GAPDHS: variants seen among roughly 807,000 people sequenced by gnomAD.
GAPDHS encodes the protein glyceraldehyde-3-phosphate dehydrogenase, spermatogenic.
Under a neutral mutation model 48.7 loss-of-function variants are expected in GAPDHS, and 42 were observed. That is an observed-to-expected ratio of 0.86 (90% CI 0.67 to 1.12). The LOEUF (loss-of-function observed/expected upper bound fraction) is 1.12, where lower values mean the gene tolerates loss of function less well. GAPDHS is among the 50% of genes most tolerant of loss of function. The probability of loss-of-function intolerance (pLI) is 0.00; values close to 1 mark genes in which losing one functional copy is unlikely to be tolerated. For missense variants in GAPDHS, 512 were observed against 557.7 expected (o/e 0.92, Z 0.82); for synonymous variants, 166 against 219.1 (o/e 0.76, Z 2.14).
intron 8 of GAPDHS, 82 bp from the exon 9 acceptor site, chr19:35,543,583 C>T: frequency 6.3e-7 from 1 of 1,578,964 alleles, no homozygotes; most frequent in Non-Finnish European, 8.6e-7. Flanking sequence ...AAAGCAGGGG[C>T]CTGGCCCAGC....
chr19:35,540,671 A>ACTCCC (rs2071495581), intron 4 of GAPDHS: 1 of 151,150 alleles, frequency 6.6e-6, no homozygotes, highest in African/African-American at 2.4e-5. Flanking sequence ...TCTCCCTCTC[A>ACTCCC]CTCCCCTCCC....
intron 5 of GAPDHS, 22 bp from the exon 6 acceptor site, chr19:35,542,468 G>C: frequency 6.2e-7 from 1 of 1,605,194 alleles, no homozygotes; most frequent in Non-Finnish European, 8.5e-7. Context: ...AGAAGCCCCT[G>C]ACACCTGCGC....
intron 1 of GAPDHS, among the ~76,000 whole-genome samples, chr19:35,534,306 G>T (rs934142634): frequency 1.3e-5 from 2 of 152,170 alleles, no homozygotes. Context: ...GGGGGCCGCA[G>T]GGGTAGGTGG....
At chr19:35,544,530 C>T (rs961491898) in intron 9 of GAPDHS, 7 of 225,724 alleles carry the variant, frequency 3.1e-5, no homozygotes, top group African/African-American at 1.6e-4. Flanking sequence ...TCCTGCAGCT[C>T]CTTCTACCTC....
At chr19:35,542,767 C>G in intron 6 of GAPDHS, 159 bp downstream of exon 6, 1 of 722,148 alleles carries the variant, frequency 1.4e-6, no homozygotes, top group Non-Finnish European at 2.4e-6. Flanking sequence ...GCTTGGGGAG[C>G]CTCCCCAGCT....
intron 9 of GAPDHS, 143 bp from the exon 10 acceptor site, chr19:35,544,766 A>T (rs535417839): frequency 4.4e-5 from 29 of 666,466 alleles, no homozygotes; most frequent in South Asian, 2.9e-4. Flanking sequence ...CATACCCTCC[A>T]GTCCAGAGAC....
chr19:35,542,444 G>T (rs1568683825), intron 5 of GAPDHS, 35 bp downstream of exon 5: 1 of 1,599,182 alleles, frequency 6.3e-7, no homozygotes, highest in Non-Finnish European at 8.6e-7. Context: ...GCTAGCTGGG[G>T]GGATGATGGT....
chr19:35,542,547 C>G lies in GAPDHS; in HGVS notation c.598C>G (p.Pro200Ala), dbSNP rs1452478946. The change falls in exon 6 of 11, where the codon CCA becomes GCA. Residue 200 changes from proline (P) to alanine (A), a missense_variant. Physicochemically the swap from Pro to Ala is conservative, Grantham distance 27 (BLOSUM62 -1). Coordinates refer to ENST00000222286, the MANE Select transcript of GAPDHS (RefSeq NM_014364.5). ...VVISAPSPDAPMFVMGVNEND... is the reference protein window; with the variant it reads ...VVISAPSPDAAMFVMGVNEND... The stretch of plus-strand genomic sequence containing the variant: ...CATCTCCGCGCCCTCACCGGATGCA[C>G]CAATGTTCGTCATGGGTGTCAATGA... The G allele has an allele frequency of 6.2e-7, 1 of 1,613,982 alleles. No individual in the cohort carries two copies. Among genetic ancestry groups the G allele is most frequent in the Middle Eastern group, 1.7e-4 (1 of 6,060 alleles).
At chr19:35,535,741 C>T (rs998855192) in intron 1 of GAPDHS, among the ~76,000 whole-genome samples, 15 of 149,728 alleles carry the variant, frequency 1.0e-4, no homozygotes, top group Non-Finnish European at 1.5e-4. Flanking sequence ...CCACTGAGTC[C>T]GATTTTTCTA....
intron 4 of GAPDHS, 31 bp downstream of exon 4, chr19:35,538,714 G>T: frequency 1.5e-6 from 2 of 1,312,596 alleles, no homozygotes; most frequent in Non-Finnish European, 2.2e-6. Context: ...ATGCACGGCT[G>T]TGACATATTG....
At chr19:35,536,662 A>G (rs1178499837) in intron 1 of GAPDHS, 151 bp from the exon 2 acceptor site, 2 of 606,610 alleles carry the variant, frequency 3.3e-6, no homozygotes, top group Non-Finnish European at 5.9e-6. Flanking sequence ...AAACAAGTTC[A>G]TTCTGTAGAG....
chr19:35,542,951 G>A lies in GAPDHS; in HGVS notation c.666G>A (p.Ala222=), dbSNP rs138540614. The A allele has an allele frequency of 2.8e-5, 45 of 1,613,722 alleles. No homozygotes were observed. In the African/African-American group the frequency reaches 2.8e-4, roughly 10 times the overall value. Residue 222 remains alanine (A), a synonymous_variant, in exon 7 of 11, where the codon GCG becomes GCA. Transcript: ENST00000222286. ...NPGSMNIVSN[A]SCTTNCLAPL... ...CACACCTTGGCTGTTTCAGCAACGC[G>A]TCCTGCACCACCAACTGTTTGGCTC...
At chr19:35,539,105 C>T (rs1430711200) in intron 4 of GAPDHS, among the ~76,000 whole-genome samples, 2 of 152,186 alleles carry the variant, frequency 1.3e-5, no homozygotes, top group Non-Finnish European at 2.9e-5. Flanking sequence ...CCATCTGGCC[C>T]AGGCTGGTCT....
At chr19:35,539,793 G>A (rs572882346) in intron 4 of GAPDHS, among the ~76,000 whole-genome samples, 3 of 152,166 alleles carry the variant, frequency 2.0e-5, no homozygotes, top group South Asian at 4.1e-4. Context: ...ACCCAAGTTT[G>A]AAATCATGAC....
Position 35,533,545 on chromosome 19 carries a change from C to A in GAPDHS, c.18C>A (p.Ile6=), listed in dbSNP as rs1445177191. Residue 6 remains isoleucine, a synonymous_variant, in exon 1 of 11, where the codon ATC becomes ATA. Coordinates refer to ENST00000222286, the MANE Select transcript of GAPDHS (RefSeq NM_014364.5). MSKRD[I]VLTNVTVVQL... is the part of the protein sequence containing the mutation. Reference sequence around the variant, plus strand: ...AAGAGGCCATGTCGAAGCGCGACATCGTCCTCACCAATGTCACCGTTGTCC... The same window carrying A: ...AAGAGGCCATGTCGAAGCGCGACATAGTCCTCACCAATGTCACCGTTGTCC... 1 of 1,613,520 alleles carries A rather than the reference C, an allele frequency of 6.2e-7. No individual in the cohort carries two copies. The highest frequency in any genetic ancestry group is 8.5e-7 in the Non-Finnish European group (1 of 1,179,776).
chr19:35,538,465 G>A, intron 3 of GAPDHS, 62 bp downstream of exon 3: 1 of 1,290,648 alleles, frequency 7.7e-7, no homozygotes, highest in South Asian at 1.2e-5. Flanking sequence ...GGGACTCAGG[G>A]AAGCTGTATG....
intron 1 of GAPDHS, among the ~76,000 whole-genome samples, chr19:35,534,560 A>G (rs533778088): frequency 6.6e-6 from 1 of 152,166 alleles, no homozygotes; most frequent in East Asian, 1.9e-4. Context: ...CCACCCCTAC[A>G]GTGGAGGGGA....
intron 7 of GAPDHS, 135 bp from the exon 8 acceptor site, chr19:35,543,205 C>A: frequency 8.8e-7 from 1 of 1,133,036 alleles, no homozygotes; most frequent in Non-Finnish European, 1.3e-6. Context: ...CCCTGGCCTG[C>A]ACACATCCCC....
Position 35,542,322 on chromosome 19 carries a change from A to C in GAPDHS, c.453A>C (p.Lys151Asn). The C allele has an allele frequency of 6.2e-7, 1 of 1,609,544 alleles. No individual in the cohort carries two copies. Among genetic ancestry groups the C allele is most frequent in the Non-Finnish European group, 8.5e-7 (1 of 1,177,192 alleles). Residue 151 changes from lysine (K) to asparagine (N), a missense_variant, in exon 5 of 11, where the codon AAA becomes AAC. By Grantham distance (94) the Lys-to-Asn change is moderately conservative. Coordinates refer to ENST00000222286, the MANE Select transcript of GAPDHS (RefSeq NM_014364.5). The part of the protein sequence containing the change: ...DNHEISVYQC[K>N]EPKQIPWRAV... ...CAGCCCTGCCACTTCCCCACAGCAA[A>C]GAGCCCAAACAGATCCCCTGGAGGG...
Sources: gnomAD v4.1 joint callset for allele counts (sites outside exome capture counted in the v4.1 genomes callset) on GRCh38, gnomAD v4.1.1 for gene constraint, MANE v1.5 for transcripts, NCBI Gene and HGNC (gene_info 2026-07-23, HGNC 2026-07-21) for gene names.